Variants in CADPS2 observed in about 807,000 individuals in gnomAD.
CADPS2 encodes calcium dependent secretion activator 2, also known as calcium-dependent secretion activator 2.
A neutral mutation model predicts 172.5 loss-of-function variants in CADPS2; 93 were observed. The ratio of observed to expected loss-of-function variants is 0.54; its 90% CI spans 0.46 to 0.64. The LOEUF is 0.64. CADPS2 is among the 30% of genes least tolerant of loss of function. CADPS2 has a pLI of 0.00. For missense variants in CADPS2, 1,420 were observed against 1,565.9 expected (o/e 0.91, Z 1.57); for synonymous variants, 546 against 555.2 (o/e 0.98, Z 0.23).
chr7:122,379,675 A>G (rs1212610247), intron 24 of CADPS2, among the ~76,000 whole-genome samples: 1 of 152,142 alleles, frequency 6.6e-6, no homozygotes, highest in Non-Finnish European at 1.5e-5. Context: ...TGGGGTTATT[A>G]TTTAGATGAA....
At chr7:122,581,590 T>C (rs1210486879) in intron 6 of CADPS2, among the ~76,000 whole-genome samples, 1 of 152,172 alleles carries the variant, frequency 6.6e-6, no homozygotes, top group Admixed American at 6.6e-5. Flanking sequence ...TCTATTACTT[T>C]ATTAATTCAA....
chr7:122,534,517 C>T (rs2062057229), intron 8 of CADPS2, among the ~76,000 whole-genome samples: 1 of 151,990 alleles, frequency 6.6e-6, no homozygotes. Flanking sequence ...ATTCACCATG[C>T]CAAACTTACA....
chr7:122,621,597 G>T lies in CADPS2; in HGVS notation c.988C>A (p.Pro330Thr). 6.2e-7 allele frequency: 1 copy of T among 1,613,716 alleles called. No homozygotes were observed. Residue 330 changes from proline (P) to threonine (T), a missense_variant, in exon 5 of 30, where the codon CCG (proline) becomes ACG (threonine). Coordinates refer to ENST00000449022, the MANE Select transcript of CADPS2 (RefSeq NM_017954.11). The stretch of plus-strand genomic sequence containing the variant: ...TTTAATTTTTGTAATTTAAATTCCG[G>T]ACCACCTTTCGAAACTGGAAGACTT... Reference protein sequence around the residue: ...LESLPVSKGGPEFKLQKLKRS... With the variant: ...LESLPVSKGGTEFKLQKLKRS...
At chr7:122,685,288 A>T (rs1003660148) in intron 2 of CADPS2, among the ~76,000 whole-genome samples, 2 of 152,184 alleles carry the variant, frequency 1.3e-5, no homozygotes, top group Non-Finnish European at 2.9e-5. Flanking sequence ...CAGGAACAAC[A>T]TCTGCAAAGT....
At chr7:122,673,236 G>C (rs1346481269) in intron 2 of CADPS2, among the ~76,000 whole-genome samples, 1 of 152,200 alleles carries the variant, frequency 6.6e-6, no homozygotes, top group Non-Finnish European at 1.5e-5. Context: ...GCGGGGAATG[G>C]GACCCCAGCC....
chr7:122,736,457 A>G (rs1473365302), intron 2 of CADPS2, among the ~76,000 whole-genome samples: 1 of 152,216 alleles, frequency 6.6e-6, no homozygotes, highest in Admixed American at 6.5e-5. Flanking sequence ...TCCATAGAGA[A>G]ACTCCTATGA....
At chr7:122,421,616 A>T (rs182623337) in intron 17 of CADPS2, among the ~76,000 whole-genome samples, 1 of 152,370 alleles carries the variant, frequency 6.6e-6, no homozygotes, top group East Asian at 1.9e-4. Context: ...GGATACAATG[A>T]TTAAAAAGAT....
intron 1 of CADPS2, among the ~76,000 whole-genome samples, chr7:122,877,617 T>C (rs1394257431): frequency 6.6e-6 from 1 of 152,070 alleles, no homozygotes. Flanking sequence ...ACAATAAAAA[T>C]ATAAAATATA....
intron 1 of CADPS2, among the ~76,000 whole-genome samples, chr7:122,770,638 AC>A (rs11346805): frequency 0.2 from 30,213 of 152,134 alleles, 3,814 homozygotes; most frequent in African/African-American, 0.36. Context: ...AGTGCCCAGT[AC>A]AGCTTGCTTG....
intron 2 of CADPS2, among the ~76,000 whole-genome samples, chr7:122,689,300 A>C (rs1244566907): frequency 6.6e-6 from 1 of 152,134 alleles, no homozygotes; most frequent in African/African-American, 2.4e-5. Flanking sequence ...TGTCCCTACA[A>C]GGGCACAAGT....
At chr7:122,639,596 C>T (rs2077395819) in intron 3 of CADPS2, among the ~76,000 whole-genome samples, 1 of 152,158 alleles carries the variant, frequency 6.6e-6, no homozygotes. Flanking sequence ...CATAAAGACA[C>T]TCCATAGCTC....
intron 6 of CADPS2, among the ~76,000 whole-genome samples, chr7:122,587,313 C>T (rs1288758808): frequency 2.0e-5 from 3 of 151,884 alleles, no homozygotes; most frequent in East Asian, 1.9e-4. Flanking sequence ...CCCCTCCCTA[C>T]GTCCATGTGA....
At chr7:122,634,406 G>C (rs1264247634) in intron 3 of CADPS2, among the ~76,000 whole-genome samples, 2 of 152,162 alleles carry the variant, frequency 1.3e-5, no homozygotes, top group South Asian at 2.1e-4. Context: ...TTGGGAGGTT[G>C]TGTGCTCCCA....
intron 6 of CADPS2, among the ~76,000 whole-genome samples, chr7:122,596,257 C>A (rs1051997580): frequency 1.1e-4 from 17 of 152,198 alleles, no homozygotes; most frequent in African/African-American, 4.1e-4. Context: ...TGTTAGAAAA[C>A]ATTTGATCCT....
chr7:122,645,607 C>T (rs1050447865), intron 3 of CADPS2, among the ~76,000 whole-genome samples: 2 of 109,776 alleles, frequency 1.8e-5, no homozygotes, highest in Non-Finnish European at 3.9e-5. Flanking sequence ...TATATATATA[C>T]ACACACACTA....
intron 1 of CADPS2, among the ~76,000 whole-genome samples, chr7:122,806,733 C>A (rs1201660199): frequency 6.6e-6 from 1 of 152,152 alleles, no homozygotes; most frequent in African/African-American, 2.4e-5. Flanking sequence ...CTTAGGTAAT[C>A]TTTTCTTCTA....
At chr7:122,662,356 T>C (rs2080672615) in intron 3 of CADPS2, among the ~76,000 whole-genome samples, 2 of 148,332 alleles carry the variant, frequency 1.3e-5, no homozygotes, top group South Asian at 4.3e-4. Flanking sequence ...TGAAACATGA[T>C]TTTATACCTC....
chr7:122,475,988 T>C lies in CADPS2; in HGVS notation c.1862-1471A>G, dbSNP rs189355783. ...AATATACAATTGAACTTCTTTTGCATTTTATTCTTCTGAGTCTTTTAATAG... is the reference window on the plus strand; with the variant it reads ...AATATACAATTGAACTTCTTTTGCACTTTATTCTTCTGAGTCTTTTAATAG... On this transcript the variant is annotated intron_variant, in intron 12 of 29. Transcript: ENST00000449022. 1.8e-3 allele frequency among the ~76,000 whole-genome samples: 274 copies of C among 152,282 alleles called. 2 individuals carry two copies. Among genetic ancestry groups the C allele is most frequent in the African/African-American group, 6.2e-3 (257 of 41,572 alleles).
intron 7 of CADPS2, among the ~76,000 whole-genome samples, chr7:122,561,199 G>A (rs1329424096): frequency 6.6e-6 from 1 of 152,070 alleles, no homozygotes; most frequent in Non-Finnish European, 1.5e-5. Context: ...GGGCTAAATT[G>A]AGTTCTTTTA....
Sources: allele counts gnomAD v4.1 joint callset (sites outside exome capture counted in the v4.1 genomes callset), GRCh38; gene constraint gnomAD v4.1.1; transcripts MANE v1.5; gene names NCBI Gene and HGNC (gene_info 2026-07-23, HGNC 2026-07-21).